The following LMO7 variants were observed in gnomAD, a reference collection of about 807,000 sequenced individuals.
The protein encoded by LMO7 is LIM domain 7, also known as LIM domain only protein 7.
A neutral mutation model predicts 206.5 loss-of-function variants in LMO7; 120 were observed. That is an observed-to-expected ratio of 0.58 (90% CI 0.50 to 0.68). The LOEUF is 0.68. Ranked by LOEUF, LMO7 falls within the 30% of genes least tolerant of loss-of-function variation. The probability of loss-of-function intolerance (pLI) is 0.00; values close to 1 mark genes in which losing one functional copy is unlikely to be tolerated. For missense variants in LMO7, 1,959 were observed against 1,957.9 expected (o/e 1.00, Z -0.01); for synonymous variants, 706 against 681.5 (o/e 1.04, Z -0.56).
chr13:75,637,090 G>C (rs1471167898), intron 1 of LMO7, among the ~76,000 whole-genome samples: 1 of 152,086 alleles, frequency 6.6e-6, no homozygotes, highest in Non-Finnish European at 1.5e-5. Context: ...GCAGAGCTGG[G>C]CCAGGGCTCT....
chr13:75,673,627 T>C (rs899853194), intron 1 of LMO7, among the ~76,000 whole-genome samples: 2 of 152,218 alleles, frequency 1.3e-5, no homozygotes, highest in Non-Finnish European at 2.9e-5. Context: ...TTCTTGCTGC[T>C]TAGAACAAAA....
At chr13:75,719,870 G>C (rs1169589996) in intron 2 of LMO7, among the ~76,000 whole-genome samples, 1 of 152,168 alleles carries the variant, frequency 6.6e-6, no homozygotes, top group African/African-American at 2.4e-5. Flanking sequence ...GAACATGATT[G>C]CTGGATCATA....
chr13:75,743,533 G>C (rs1237622907), intron 3 of LMO7, among the ~76,000 whole-genome samples: 1 of 152,162 alleles, frequency 6.6e-6, no homozygotes, highest in African/African-American at 2.4e-5. Flanking sequence ...AAAAGAAAGA[G>C]ATCATGTCCT....
intron 5 of LMO7, 42 bp downstream of exon 5, chr13:75,795,473 C>G (rs1162622685): frequency 7.2e-7 from 1 of 1,382,316 alleles, no homozygotes; most frequent in Non-Finnish European, 1.0e-6. Context: ...AAGTGGCTTT[C>G]ACTTTCATGT....
chr13:75,676,244 A>G (rs1436984527), intron 1 of LMO7, among the ~76,000 whole-genome samples: 7 of 152,150 alleles, frequency 4.6e-5, no homozygotes, highest in Non-Finnish European at 2.9e-5. Flanking sequence ...TAACATATTA[A>G]TTATTTAAGT....
chr13:75,850,493 C>T lies in LMO7; in HGVS notation c.4364+1201C>T, dbSNP rs145633168. ...GCAAAAGAAAAGAAAATCACAATGT[C>T]TGCTAGTAAGGAGATACTCAGTAGT... On this transcript the variant is annotated intron_variant, in intron 27 of 30. Coordinates refer to ENST00000377534, the MANE Select transcript of LMO7 (RefSeq NM_001306080.2). Among the ~76,000 whole-genome samples the T allele has an allele frequency of 2.2e-3, 331 of 152,292 alleles. 1 individual carries two copies. Among genetic ancestry groups the T allele is most frequent in the African/African-American group, 7.6e-3 (317 of 41,560 alleles).
At chr13:75,806,834 C>G (rs910957183) in intron 9 of LMO7, 1 of 152,410 alleles carries the variant, frequency 6.6e-6, no homozygotes, top group Non-Finnish European at 1.5e-5. Context: ...GAAAGGGATA[C>G]CAGGGGCCAG....
intron 4 of LMO7, among the ~76,000 whole-genome samples, chr13:75,779,007 A>G (rs1057012163): frequency 6.6e-6 from 1 of 152,118 alleles, no homozygotes; most frequent in African/African-American, 2.4e-5. Flanking sequence ...AATTCAAGAG[A>G]TATTTAGGAG....
upstream of LMO7, among the ~76,000 whole-genome samples, chr13:75,634,613 G>C (rs893342337): frequency 3.3e-5 from 5 of 152,078 alleles, no homozygotes; most frequent in Non-Finnish European, 5.9e-5. Flanking sequence ...CGTGGTGACG[G>C]GCGCCTGTAG....
chr13:75,686,121 C>T (rs895387067), intron 1 of LMO7, among the ~76,000 whole-genome samples: 1 of 152,030 alleles, frequency 6.6e-6, no homozygotes, highest in African/African-American at 2.4e-5. Flanking sequence ...TCAAGCAGTC[C>T]TCCCACTTCA....
chr13:75,748,266 A>G (rs1346176668), intron 3 of LMO7, among the ~76,000 whole-genome samples: 1 of 152,210 alleles, frequency 6.6e-6, no homozygotes, highest in Non-Finnish European at 1.5e-5. Context: ...TAAGCAACTT[A>G]ATAGTGGCAA....
intron 11 of LMO7, among the ~76,000 whole-genome samples, chr13:75,810,336 T>C (rs1377939793): frequency 6.6e-6 from 1 of 152,224 alleles, no homozygotes; most frequent in Non-Finnish European, 1.5e-5. Context: ...TATAAGAATC[T>C]CTAGTTTTGA....
intron 2 of LMO7, among the ~76,000 whole-genome samples, chr13:75,721,437 T>C (rs1178354214): frequency 6.6e-6 from 1 of 152,216 alleles, no homozygotes; most frequent in Non-Finnish European, 1.5e-5. Context: ...ACCGTCTGAT[T>C]GCTCTGCTGC....
chr13:75,770,904 T>G (rs567702456), intron 4 of LMO7, among the ~76,000 whole-genome samples: 1 of 152,192 alleles, frequency 6.6e-6, no homozygotes, highest in South Asian at 2.1e-4. Flanking sequence ...GAAGCTAGGT[T>G]TTTCATTCCT....
In LMO7 at chr13:75,629,003, GA is replaced by G. The variant is rs746335209; in HGVS notation, c.225+5684del. Among the ~76,000 whole-genome samples, 118 of 152,254 alleles carry G rather than the reference GA, an allele frequency of 7.8e-4. 1 individual carries two copies. Among genetic ancestry groups the G allele is most frequent in the Non-Finnish European group, 1.4e-3 (92 of 68,048 alleles). ...CACAGGGGCTGATTTGCCCCCAGGGGACGTCTGGCGGTGTCTGGAAACGTTT... is the reference window on the plus strand; with the variant it reads ...CACAGGGGCTGATTTGCCCCCAGGGGCGTCTGGCGGTGTCTGGAAACGTTT... On this transcript the variant is annotated intron_variant, in intron 2 of 29. Coordinates refer to the LMO7 transcript ENST00000341547.
chr13:75,712,108 G>T (rs189641602), intron 1 of LMO7, among the ~76,000 whole-genome samples: 1 of 152,314 alleles, frequency 6.6e-6, no homozygotes, highest in African/African-American at 2.4e-5. Context: ...AGATACATAG[G>T]GATTCTAGGG....
intron 4 of LMO7, among the ~76,000 whole-genome samples, chr13:75,776,189 ATATATATATATATAT>A (rs2050449481): frequency 1.1e-5 from 1 of 88,710 alleles, no homozygotes; most frequent in Non-Finnish European, 2.3e-5. Flanking sequence ...ATATATATAT[ATATATATATATATAT>A]AACGTTAAGT....
intron 3 of LMO7, among the ~76,000 whole-genome samples, chr13:75,739,570 A>G (rs2046250220): frequency 1.3e-5 from 2 of 152,192 alleles, no homozygotes; most frequent in African/African-American, 4.8e-5. Flanking sequence ...ATTTTCTGGA[A>G]AGTTTTTATT....
chr13:75,673,508 A>C (rs1301815685), intron 1 of LMO7, among the ~76,000 whole-genome samples: 1 of 152,112 alleles, frequency 6.6e-6, no homozygotes, highest in Non-Finnish European at 1.5e-5. Context: ...CAGATGTCCA[A>C]CAGCTACCTT....
Sources: gnomAD v4.1 joint callset for allele counts (sites outside exome capture counted in the v4.1 genomes callset) on GRCh38, gnomAD v4.1.1 for gene constraint, MANE v1.5 for transcripts, NCBI Gene and HGNC (gene_info 2026-07-23, HGNC 2026-07-21) for gene names.